Variants in SPART observed in about 807,000 individuals in gnomAD.
The protein encoded by SPART is spastic paraplegia 20 (Troyer syndrome).
SPART carries 35 observed loss-of-function variants against 58.7 expected under a neutral mutation model. The observed-to-expected ratio is 0.60, with a 90% CI of 0.46 to 0.79. The LOEUF is 0.79. Among genes scored for constraint, SPART ranks in the 30% least tolerant of loss-of-function variants. The probability of loss-of-function intolerance (pLI) is 0.00; values close to 1 mark genes in which losing one functional copy is unlikely to be tolerated. For missense variants in SPART, 730 were observed against 786.1 expected, an observed-to-expected ratio of 0.93 and a Z score of 0.85; for synonymous variants, 284 against 280.7, an observed-to-expected ratio of 1.01 and a Z score of -0.12.
At position 36,304,341 on chromosome 13, in the gene SPART, G is replaced by A. The variant is rs751962921; in HGVS notation, c.*24C>T. 114 of 1,613,630 alleles carry A rather than the reference G, an allele frequency of 7.1e-5. No homozygotes were observed. In the South Asian group the frequency reaches 7.7e-4, roughly 11 times the overall value. ...ATTTCATCCATTTCATAAGGCTTTG[G>A]TATAAGTGATTCCCAGCACTTCATC... On this transcript the variant is annotated 3_prime_UTR_variant, in exon 9 of 9. Coordinates refer to ENST00000438666, the MANE Select transcript of SPART (RefSeq NM_015087.5).
intron 1 of SPART, among the ~76,000 whole-genome samples, chr13:36,341,599 C>T (rs913049595): frequency 6.6e-6 from 1 of 152,164 alleles, no homozygotes; most frequent in African/African-American, 2.4e-5. Flanking sequence ...TGAAAACTTA[C>T]GATAGAAGAA....
At chr13:36,332,820 T>C (rs1883579959) in intron 2 of SPART, among the ~76,000 whole-genome samples, 1 of 152,178 alleles carries the variant, frequency 6.6e-6, no homozygotes, top group Non-Finnish European at 1.5e-5. Context: ...CACAAACTTT[T>C]AACATTTGAG....
chr13:36,346,003 C>A (rs1252426931), intron 1 of SPART, among the ~76,000 whole-genome samples: 1 of 152,220 alleles, frequency 6.6e-6, no homozygotes, highest in Middle Eastern at 3.2e-3. Flanking sequence ...TACCACACTC[C>A]CGCGAGAGAA....
At chr13:36,329,309 G>A (rs1883239917) in intron 4 of SPART, 53 bp downstream of exon 4, 1 of 1,592,968 alleles carries the variant, frequency 6.3e-7, no homozygotes. Flanking sequence ...ACATGAAACT[G>A]GAGAAAGGTA....
upstream of SPART, among the ~76,000 whole-genome samples, chr13:36,349,900 A>G (rs1593288178): frequency 6.6e-6 from 1 of 152,200 alleles, no homozygotes; most frequent in Non-Finnish European, 1.5e-5. Flanking sequence ...TATCTGTAGT[A>G]TTCGTCAGCT....
chr13:36,311,533 T>C (rs1275363506), intron 8 of SPART, among the ~76,000 whole-genome samples: 1 of 152,116 alleles, frequency 6.6e-6, no homozygotes, highest in East Asian at 1.9e-4. Context: ...CAGGCAGATA[T>C]CACCCATCAA....
At chr13:36,360,774 A>G (rs1204737740) in intron 1 of SPART, 1 of 152,668 alleles carries the variant, frequency 6.6e-6, no homozygotes, top group African/African-American at 2.4e-5. Flanking sequence ...CCCTTCCCCC[A>G]CTAAGCTCTG....
chr13:36,335,942 T>C, intron 1 of SPART, 110 bp from the exon 2 acceptor site: 1 of 861,068 alleles, frequency 1.2e-6, no homozygotes, highest in Non-Finnish European at 1.9e-6. Context: ...CTTATCTCTG[T>C]TTTGTTCACT....
chr13:36,309,870 A>G (rs983231269), intron 8 of SPART, among the ~76,000 whole-genome samples: 1 of 152,200 alleles, frequency 6.6e-6, no homozygotes, highest in African/African-American at 2.4e-5. Context: ...TGTACCCTTT[A>G]ATCTATAATA....
chr13:36,343,840 G>A (rs1884796616), intron 1 of SPART, among the ~76,000 whole-genome samples: 1 of 152,090 alleles, frequency 6.6e-6, no homozygotes, highest in Non-Finnish European at 1.5e-5. Flanking sequence ...GCTAGTAAAT[G>A]ATACATTCAA....
chr13:36,308,848 T>A (rs1880780505), intron 8 of SPART, among the ~76,000 whole-genome samples: 1 of 141,256 alleles, frequency 7.1e-6, no homozygotes, highest in Non-Finnish European at 1.6e-5. Flanking sequence ...ATATTAGAGT[T>A]CAGGCCACAG....
intron 4 of SPART, among the ~76,000 whole-genome samples, chr13:36,327,464 G>A (rs1423501288): frequency 1.3e-5 from 2 of 152,246 alleles, no homozygotes; most frequent in Non-Finnish European, 2.9e-5. Context: ...GCTTTTCACT[G>A]CATATACTTT....
intron 2 of SPART, among the ~76,000 whole-genome samples, chr13:36,333,472 T>C (rs1489822845): frequency 2.0e-5 from 3 of 150,536 alleles, no homozygotes; most frequent in Non-Finnish European, 4.4e-5. Flanking sequence ...TAAACACATA[T>C]GTTAACTCCT....
chr13:36,362,792 CTT>C (rs5802820), intron 1 of SPART, among the ~76,000 whole-genome samples: 46 of 150,234 alleles, frequency 3.1e-4, no homozygotes, highest in Non-Finnish European at 3.4e-4. Context: ...GTGGAGGATA[CTT>C]TTTTTTTTTT....
chr13:36,365,000 T>G (rs1276041737), intron 1 of SPART, among the ~76,000 whole-genome samples: 1 of 152,158 alleles, frequency 6.6e-6, no homozygotes, highest in Admixed American at 6.5e-5. Context: ...GGATAAGAAC[T>G]AAACTGTTTT....
Position 36,314,409 on chromosome 13 carries a change from A to C in SPART, c.1301T>G (p.Val434Gly), listed in dbSNP as rs753824416. 4 of 1,614,066 alleles carry C rather than the reference A, an allele frequency of 2.5e-6. No individual in the cohort carries two copies. The South Asian group carries it at 4.4e-5, about 18-fold the overall frequency. ...AHNILSGASW[V>G]SWGLVKGAEI... ...AGCACCTTTGACTAAACCCCAACTC[A>C]CCCAGGAAGCACCTTTTTAAAAGAA... Residue 434 changes from valine to glycine, a missense_variant, in exon 6 of 9, where the codon GTG (valine) becomes GGG (glycine). Val to Gly is a moderately radical substitution (Grantham distance 109). Coordinates refer to ENST00000438666, the MANE Select transcript of SPART (RefSeq NM_015087.5).
At chr13:36,365,289 T>C (rs9547466) in intron 1 of SPART, among the ~76,000 whole-genome samples, 22,506 of 152,232 alleles carry the variant, frequency 0.15, 2,004 homozygotes, top group Non-Finnish European at 0.2. Context: ...AACTACCACA[T>C]CTGTGGCCCC....
intron 5 of SPART, among the ~76,000 whole-genome samples, chr13:36,318,907 C>T (rs1053832697): frequency 5.9e-5 from 9 of 151,930 alleles, no homozygotes; most frequent in African/African-American, 1.2e-4. Flanking sequence ...CTCGGCTTAG[C>T]GGCTGAAGAC....
At chr13:36,313,056 C>A (rs1350908314) in intron 6 of SPART, among the ~76,000 whole-genome samples, 1 of 151,964 alleles carries the variant, frequency 6.6e-6, no homozygotes, top group Non-Finnish European at 1.5e-5. Flanking sequence ...CCATTAAGGT[C>A]CTATCTACCC....
Sources: allele counts gnomAD v4.1 joint callset (sites outside exome capture counted in the v4.1 genomes callset), GRCh38; gene constraint gnomAD v4.1.1; transcripts MANE v1.5; gene names NCBI Gene and HGNC (gene_info 2026-07-23, HGNC 2026-07-21).